The following CAMKMT variants were observed in gnomAD, a reference collection of about 807,000 sequenced individuals.
CAMKMT encodes CaM KMT.
A neutral mutation model predicts 48.0 loss-of-function variants in CAMKMT; 53 were observed. The observed-to-expected ratio is 1.10, with a 90% CI of 0.89 to 1.39. CAMKMT has a LOEUF of 1.39. Among genes scored for constraint, CAMKMT ranks in the 40% most tolerant of loss-of-function variants. CAMKMT has a pLI of 0.00. For missense variants in CAMKMT, 428 were observed against 402.7 expected (o/e 1.06, Z -0.54); for synonymous variants, 165 against 152.3 (o/e 1.08, Z -0.61).
intron 3 of CAMKMT, among the ~76,000 whole-genome samples, chr2:44,499,603 C>G (rs953499807): frequency 6.6e-6 from 1 of 152,184 alleles, no homozygotes; most frequent in South Asian, 2.1e-4. Context: ...ATCCTTACAA[C>G]AAAACGGGAA....
Position 44,410,163 on chromosome 2 carries a change from T to C in CAMKMT, c.376+19858T>C, listed in dbSNP as rs370697923. 4.0e-5 allele frequency among the ~76,000 whole-genome samples: 6 copies of C among 148,796 alleles called. No homozygotes were observed. The East Asian group carries it at 1.2e-3, about 29-fold the overall frequency. The stretch of plus-strand genomic sequence containing the variant: ...ACCATGTACTACCAAAGAAGCAGAA[T>C]GTGAGAGACCAGTAATCCAGTAGTA... On this transcript the variant is annotated intron_variant, in intron 3 of 10. Transcript: ENST00000378494.
intron 3 of CAMKMT, among the ~76,000 whole-genome samples, chr2:44,504,557 A>G (rs1194757771): frequency 6.6e-6 from 1 of 152,034 alleles, no homozygotes; most frequent in Non-Finnish European, 1.5e-5. Flanking sequence ...GGTTTGTTCA[A>G]TTTCCTATGC....
chr2:44,632,668 G>T lies in CAMKMT; in HGVS notation c.377-71615G>T, dbSNP rs544402006. Reference sequence around the variant, plus strand: ...TGATCCTGGGTGCATCTGTAAGGGTGTTGCCAAAGGAGATTACCATTTGAG... The same window carrying T: ...TGATCCTGGGTGCATCTGTAAGGGTTTTGCCAAAGGAGATTACCATTTGAG... On this transcript the variant is annotated intron_variant, in intron 3 of 10. Transcript: ENST00000378494. Among the ~76,000 whole-genome samples the T allele has an allele frequency of 1.5e-3, 224 of 152,296 alleles. 1 individual carries two copies. Among genetic ancestry groups the T allele is most frequent in the African/African-American group, 5.2e-3 (216 of 41,558 alleles).
chr2:44,363,819 T>G (rs543153579), intron 1 of CAMKMT, among the ~76,000 whole-genome samples: 180 of 150,884 alleles, frequency 1.2e-3, no homozygotes, highest in African/African-American at 4.2e-3. Context: ...GCCTTCCGAA[T>G]AGCTGGGATT....
intron 7 of CAMKMT, among the ~76,000 whole-genome samples, chr2:44,739,027 G>A (rs997394473): frequency 6.6e-6 from 1 of 152,204 alleles, no homozygotes; most frequent in Non-Finnish European, 1.5e-5. Flanking sequence ...GAGCAAAGAG[G>A]CCAAGGAGGA....
chr2:44,695,692 G>A (rs1021336659), intron 3 of CAMKMT, among the ~76,000 whole-genome samples: 1 of 152,116 alleles, frequency 6.6e-6, no homozygotes, highest in Admixed American at 6.5e-5. Context: ...TTAAGGGGCA[G>A]CATGCAATAG....
intron 3 of CAMKMT, among the ~76,000 whole-genome samples, chr2:44,655,377 T>G (rs990766920): frequency 6.6e-6 from 1 of 152,228 alleles, no homozygotes; most frequent in Admixed American, 6.5e-5. Flanking sequence ...CCTCATTCTT[T>G]TCAAAGCCTG....
rs58708735 is a variant in CAMKMT at position 44,470,727 on chromosome 2, C to T, written c.376+80422C>T. Among the ~76,000 whole-genome samples the T allele has an allele frequency of 6.9e-4, 105 of 152,156 alleles. 1 individual carries two copies. In the East Asian group the frequency reaches 0.018, roughly 26 times the overall value. On this transcript the variant is annotated intron_variant, in intron 3 of 10. Transcript: ENST00000378494. ...GTTTTTTCCTTCTCCAACAACCTTG[C>T]GTATTATCTGTCTTTTGAAATTGTC... is the stretch of plus-strand genomic sequence containing the variant.
intron 3 of CAMKMT, among the ~76,000 whole-genome samples, chr2:44,584,471 A>G (rs1004494507): frequency 2.0e-5 from 3 of 152,214 alleles, no homozygotes. Context: ...AAACAGTTTC[A>G]TTGATAATTT....
chr2:44,663,122 A>C (rs1244358398), intron 3 of CAMKMT, among the ~76,000 whole-genome samples: 1 of 152,232 alleles, frequency 6.6e-6, no homozygotes, highest in Admixed American at 6.5e-5. Flanking sequence ...TTATAAAATC[A>C]GGAAATTTAA....
chr2:44,620,874 G>A (rs1672147270), intron 3 of CAMKMT, among the ~76,000 whole-genome samples: 1 of 152,094 alleles, frequency 6.6e-6, no homozygotes, highest in Admixed American at 6.6e-5. Flanking sequence ...CAACTCCTTT[G>A]TGCTTCAGTT....
intron 3 of CAMKMT, among the ~76,000 whole-genome samples, chr2:44,429,759 C>G (rs1387692066): frequency 6.9e-6 from 1 of 145,308 alleles, no homozygotes; most frequent in Admixed American, 7.0e-5. Flanking sequence ...CGAGATTGCG[C>G]CACTGCAGTC....
At position 44,657,120 on chromosome 2, in the gene CAMKMT, G is replaced by A. The variant is rs762824357; in HGVS notation, c.377-47163G>A. On this transcript the variant is annotated intron_variant, in intron 3 of 10. Coordinates refer to ENST00000378494, the MANE Select transcript of CAMKMT (RefSeq NM_024766.5). The surrounding 1 kb of genome is among the most constrained non-coding windows in gnomAD (Gnocchi z 4.3). ...CAGGCAGTTGCTAATTTGTTCTAAT[G>A]TGCTGGTCAGAGTGCAGCCCCACCT... is the stretch of plus-strand genomic sequence containing the variant. 2.6e-5 allele frequency among the ~76,000 whole-genome samples: 4 copies of A among 152,182 alleles called. No individual in the cohort carries two copies. Among genetic ancestry groups the A allele is most frequent in the Admixed American group, 1.3e-4 (2 of 15,282 alleles).
intron 3 of CAMKMT, among the ~76,000 whole-genome samples, chr2:44,458,513 C>T (rs555460541): frequency 8.5e-5 from 13 of 152,168 alleles, no homozygotes; most frequent in Admixed American, 2.6e-4. Flanking sequence ...CTTTATTCGC[C>T]ATTCTGCCAG....
intron 3 of CAMKMT, among the ~76,000 whole-genome samples, chr2:44,414,899 T>C (rs1683447615): frequency 6.6e-6 from 1 of 152,240 alleles, no homozygotes; most frequent in Non-Finnish European, 1.5e-5. Context: ...CTTATGCCTG[T>C]AATCCCAGCA....
intron 3 of CAMKMT, among the ~76,000 whole-genome samples, chr2:44,488,046 T>G (rs1052703244): frequency 6.6e-6 from 1 of 152,222 alleles, no homozygotes; most frequent in Non-Finnish European, 1.5e-5. Flanking sequence ...AAATTGAGGC[T>G]TATGTAATTA....
At chr2:44,476,605 AT>A (rs1318340735) in intron 3 of CAMKMT, among the ~76,000 whole-genome samples, 1 of 151,826 alleles carries the variant, frequency 6.6e-6, no homozygotes, top group Admixed American at 6.6e-5. Context: ...AAAACTTTAT[AT>A]GTTTGTGAGA....
intron 3 of CAMKMT, among the ~76,000 whole-genome samples, chr2:44,481,001 ATGTG>A (rs138279574): frequency 2.0e-5 from 3 of 150,548 alleles, no homozygotes; most frequent in African/African-American, 7.3e-5. Flanking sequence ...CATCCATATT[ATGTG>A]TGTGTGTGTG....
At chr2:44,413,389 C>T (rs1295752256) in intron 3 of CAMKMT, among the ~76,000 whole-genome samples, 2 of 152,030 alleles carry the variant, frequency 1.3e-5, no homozygotes, top group South Asian at 2.1e-4. Context: ...CATGGTGGCT[C>T]ATGCCTGTAA....
Sources: gnomAD v4.1 joint callset for allele counts (sites outside exome capture counted in the v4.1 genomes callset) on GRCh38, gnomAD v4.1.1 for gene constraint, Gnocchi (gnomAD v3.1) non-coding constraint, MANE v1.5 for transcripts, NCBI Gene and HGNC (gene_info 2026-07-23, HGNC 2026-07-21) for gene names.